JMJD1C: variants seen among roughly 807,000 people sequenced by gnomAD.
The protein encoded by JMJD1C is jumonji domain containing 1C, also known as jumonji domain-containing protein 1C.
Under a neutral mutation model 245.3 loss-of-function variants are expected in JMJD1C, and 31 were observed. The observed-to-expected ratio is 0.13, with a 90% confidence interval of 0.09 to 0.17. JMJD1C has a LOEUF of 0.17. JMJD1C is among the 10% of genes least tolerant of loss of function. JMJD1C has a pLI of 1.00. For missense variants in JMJD1C, 2,691 were observed against 3,000.2 expected, an observed-to-expected ratio of 0.90 and a Z score of 2.41; for synonymous variants, 1,057 against 1,017.4, an observed-to-expected ratio of 1.04 and a Z score of -0.74.
At chr10:63,464,237 T>C (rs1231228570) in intron 1 of JMJD1C, among the ~76,000 whole-genome samples, 1 of 152,204 alleles carries the variant, frequency 6.6e-6, no homozygotes, top group Non-Finnish European at 1.5e-5. Flanking sequence ...GAAATACCTA[T>C]CAGCAAAACA....
chr10:63,248,529 G>GATAGATAGATAGATAGATAAATAAATAA (rs566828473), intron 3 of JMJD1C, among the ~76,000 whole-genome samples: 2 of 137,010 alleles, frequency 1.5e-5, no homozygotes, highest in African/African-American at 5.6e-5. Flanking sequence ...TCAATAGATA[G>GATAGATAGATAGATAGATAAATAAATAA]ATAAATAAAT....
chr10:63,392,903 C>CACAT (rs1564870861), intron 1 of JMJD1C, among the ~76,000 whole-genome samples: 1 of 147,838 alleles, frequency 6.8e-6, no homozygotes. Flanking sequence ...CACACACACA[C>CACAT]ACACACGTGA....
chr10:63,323,057 A>G, intron 2 of JMJD1C, among the ~76,000 whole-genome samples: 1 of 152,062 alleles, frequency 6.6e-6, no homozygotes, highest in East Asian at 1.9e-4. Context: ...AAAAGTAGAG[A>G]AGAGAGAAAA....
intron 2 of JMJD1C, among the ~76,000 whole-genome samples, chr10:63,377,186 A>G (rs182987198): frequency 8.7e-4 from 132 of 152,334 alleles, no homozygotes; most frequent in Non-Finnish European, 1.5e-3. Flanking sequence ...CAAATACTGT[A>G]TAATTACATT....
At chr10:63,500,500 A>G (rs1954511720) in intron 1 of JMJD1C, among the ~76,000 whole-genome samples, 1 of 151,826 alleles carries the variant, frequency 6.6e-6, no homozygotes, top group Admixed American at 6.6e-5. Context: ...TTGGGAGGCC[A>G]AGGTGGGTGG....
At chr10:63,244,280 G>A (rs889358051) in intron 3 of JMJD1C, among the ~76,000 whole-genome samples, 2 of 152,128 alleles carry the variant, frequency 1.3e-5, no homozygotes, top group African/African-American at 4.8e-5. Context: ...TCTCCACTTT[G>A]GGACCACTGC....
chr10:63,368,980 T>C (rs188177316), intron 2 of JMJD1C, among the ~76,000 whole-genome samples: 1 of 152,240 alleles, frequency 6.6e-6, no homozygotes, highest in East Asian at 1.9e-4. Context: ...ATACTGATAT[T>C]GATCATCTAA....
intron 2 of JMJD1C, among the ~76,000 whole-genome samples, chr10:63,308,481 G>C (rs1427679681): frequency 6.6e-6 from 1 of 151,766 alleles, no homozygotes; most frequent in Non-Finnish European, 1.5e-5. Context: ...CAAAGACAGA[G>C]ACAAAAGAAT....
In JMJD1C at chr10:63,363,351, C is replaced by T. The variant is rs1051893219; in HGVS notation, c.333+16967G>A. ...TTGGCTCACTGCAACCTCTGCCTCC[C>T]GGGTTCAAGCAATTCTCTTGCCTCA... On this transcript the variant is annotated intron_variant, in intron 2 of 25. Transcript: ENST00000399262. Among the ~76,000 whole-genome samples the T allele has an allele frequency of 2.7e-5, 4 of 150,828 alleles. No individual in the cohort carries two copies. In the South Asian group the frequency reaches 6.3e-4, roughly 24 times the overall value.
At chr10:63,206,006 C>A (rs138019911) in intron 10 of JMJD1C, among the ~76,000 whole-genome samples, 81 of 152,116 alleles carry the variant, frequency 5.3e-4, no homozygotes, top group African/African-American at 1.9e-3. Context: ...CTGTCACTGA[C>A]TGAAAAGTTG....
rs140205617 is a variant in JMJD1C, at chr10:63,218,452, C to T, written c.554-1121G>A. Among the ~76,000 whole-genome samples the T allele has an allele frequency of 6.7e-3, 1,020 of 152,112 alleles. 4 individuals are homozygous for T. The highest frequency in any genetic ancestry group is 0.014 in the Middle Eastern group (4 of 294). ...GTAAACACTGTTTAGTAGCCATATCCATTATATGAACTTCAGTCTTTTCTA... is the reference window on the plus strand; with the variant it reads ...GTAAACACTGTTTAGTAGCCATATCTATTATATGAACTTCAGTCTTTTCTA... On this transcript the variant is annotated intron_variant, in intron 4 of 25. Transcript: ENST00000399262.
chr10:63,462,530 G>A (rs773287334), intron 1 of JMJD1C, among the ~76,000 whole-genome samples: 4 of 152,150 alleles, frequency 2.6e-5, no homozygotes, highest in Non-Finnish European at 5.9e-5. Context: ...AAGGAATTAT[G>A]GTTGTTAATA....
At chr10:63,315,623 C>G (rs1589455788) in intron 2 of JMJD1C, among the ~76,000 whole-genome samples, 1 of 151,726 alleles carries the variant, frequency 6.6e-6, no homozygotes, top group Admixed American at 6.6e-5. Flanking sequence ...GGGCGGGTCA[C>G]AAGGTCAGGA....
chr10:63,246,519 AT>A (rs1179413432), intron 3 of JMJD1C, among the ~76,000 whole-genome samples: 4 of 151,840 alleles, frequency 2.6e-5, no homozygotes, highest in East Asian at 1.9e-4. Flanking sequence ...TGGAGAGAGA[AT>A]TTTTTTTTCC....
At chr10:63,223,132 C>CAAAA (rs57849390) in intron 3 of JMJD1C, 729 of 413,048 alleles carry the variant, frequency 1.8e-3, no homozygotes, top group South Asian at 4.9e-3. Context: ...AAATTATCTG[C>CAAAA]AAAAAAAAAA....
chr10:63,271,826 A>G (rs370291862), intron 2 of JMJD1C, among the ~76,000 whole-genome samples: 4 of 152,122 alleles, frequency 2.6e-5, no homozygotes, highest in South Asian at 4.1e-4. Context: ...AGCTACTGAA[A>G]AGAGGCCGGG....
chr10:63,301,580 G>T (rs1296401588), intron 2 of JMJD1C, among the ~76,000 whole-genome samples: 2 of 152,180 alleles, frequency 1.3e-5, no homozygotes, highest in Non-Finnish European at 2.9e-5. Context: ...AACACCGCGT[G>T]TTTTCACTCA....
At chr10:63,399,920 G>T (rs1948747695) in intron 1 of JMJD1C, among the ~76,000 whole-genome samples, 1 of 150,792 alleles carries the variant, frequency 6.6e-6, no homozygotes, top group Non-Finnish European at 1.5e-5. Flanking sequence ...TTAGTTTTGG[G>T]TTAATTCCAT....
chr10:63,235,346 A>G (rs1850606696), intron 3 of JMJD1C, among the ~76,000 whole-genome samples: 1 of 152,138 alleles, frequency 6.6e-6, no homozygotes, highest in South Asian at 2.1e-4. Context: ...AAATACAAAA[A>G]ATTAGCTGGG....
Sources: gnomAD v4.1 joint callset for allele counts (sites outside exome capture counted in the v4.1 genomes callset) on GRCh38, gnomAD v4.1.1 for gene constraint, MANE v1.5 for transcripts, NCBI Gene and HGNC (gene_info 2026-07-23, HGNC 2026-07-21) for gene names.